TSG101: variants seen among roughly 807,000 people sequenced by gnomAD.
The protein encoded by TSG101 is tumor susceptibility 101, also known as tumor susceptibility gene 101 protein.
TSG101 carries 19 observed loss-of-function variants against 48.5 expected under a neutral mutation model. The ratio of observed to expected loss-of-function variants is 0.39; its 90% CI spans 0.27 to 0.58. The LOEUF (loss-of-function observed/expected upper bound fraction) is 0.58, where lower values mean the gene tolerates loss of function less well. TSG101 is among the 20% of genes least tolerant of loss of function. The pLI is 0.55. For synonymous variants in TSG101, 174 were observed against 169.4 expected (o/e 1.03, Z -0.21); for missense variants, 365 against 484.4 (o/e 0.75, Z 2.31).
In TSG101 at chr11:18,509,540, A is replaced by C; in HGVS notation, c.481+2T>G. On this transcript the variant is annotated splice_donor_variant, in intron 5 of 9. Coordinates refer to ENST00000251968, the MANE Select transcript of TSG101 (RefSeq NM_006292.4). LOFTEE classifies it high-confidence loss of function. ...TTAAAGTAAAATCTCAATTCTACTT[A>C]CTATTTGGTGGCCCCGTTGCCTGGT... 1 of 1,611,960 alleles carries C rather than the reference A, an allele frequency of 6.2e-7. No individual in the cohort carries two copies.
chr11:18,501,088 G>A (rs550038349), intron 7 of TSG101, among the ~76,000 whole-genome samples: 142 of 152,272 alleles, frequency 9.3e-4, no homozygotes, highest in Non-Finnish European at 1.5e-3. Flanking sequence ...GATTACAGAC[G>A]TGAGCCACTG....
intron 4 of TSG101, among the ~76,000 whole-genome samples, chr11:18,513,371 C>T (rs1028067758): frequency 1.3e-5 from 2 of 152,154 alleles, no homozygotes; most frequent in African/African-American, 4.8e-5. Flanking sequence ...TCATGGCTCA[C>T]TGCAGCCTCG....
Position 18,509,680 on chromosome 11 carries a change from A to G in TSG101, c.358-15T>C. The G allele has an allele frequency of 6.3e-7, 1 of 1,577,854 alleles. No individual in the cohort carries two copies. The highest frequency in any genetic ancestry group is 8.6e-7 in the Non-Finnish European group (1 of 1,159,664). ...TCTGACTGTGGCTACAAAATGAAAA[A>G]AAATTCAAGTCAGCTACAGAGTTGC... On this transcript the variant is annotated splice_polypyrimidine_tract_variant and intron_variant, in intron 4 of 9. Coordinates refer to ENST00000251968, the MANE Select transcript of TSG101 (RefSeq NM_006292.4).
intron 4 of TSG101, among the ~76,000 whole-genome samples, chr11:18,510,838 C>A (rs568058620): frequency 6.6e-6 from 1 of 152,090 alleles, no homozygotes; most frequent in African/African-American, 2.4e-5. Context: ...GGGAGGATCA[C>A]CTGAGCCAGG....
chr11:18,514,921 G>A, intron 3 of TSG101, 80 bp from the exon 4 acceptor site: 1 of 1,317,020 alleles, frequency 7.6e-7, no homozygotes, highest in Non-Finnish European at 1.0e-6. Context: ...CAGAGGTTTA[G>A]TCTAGATACA....
chr11:18,509,104 A>G (rs1329893156), intron 5 of TSG101, among the ~76,000 whole-genome samples: 1 of 152,222 alleles, frequency 6.6e-6, no homozygotes, highest in Non-Finnish European at 1.5e-5. Flanking sequence ...CTAGATGTCC[A>G]ATTGTGTATA....
At chr11:18,513,442 C>A (rs1394819735) in intron 4 of TSG101, among the ~76,000 whole-genome samples, 1 of 152,016 alleles carries the variant, frequency 6.6e-6, no homozygotes, top group East Asian at 1.9e-4. Context: ...GTCACAGGCA[C>A]ACACCACCAT....
chr11:18,526,688 C>G, intron 1 of TSG101, 87 bp downstream of exon 1: 1 of 1,508,312 alleles, frequency 6.6e-7, no homozygotes, highest in Non-Finnish European at 8.9e-7. Flanking sequence ...GTCTGGGAAG[C>G]TTGCTTGGCT....
chr11:18,496,567 TC>T (rs1382880992), intron 7 of TSG101, among the ~76,000 whole-genome samples: 1 of 152,096 alleles, frequency 6.6e-6, no homozygotes, highest in African/African-American at 2.4e-5. Context: ...GTGCAGTGAC[TC>T]ACATCTGTAA....
At chr11:18,509,729 A>G (rs1372404786) in intron 4 of TSG101, 64 bp from the exon 5 acceptor site, 2 of 1,487,896 alleles carry the variant, frequency 1.3e-6, no homozygotes, top group Non-Finnish European at 1.8e-6. Flanking sequence ...GAAAAAGGTT[A>G]GCCATTTCTC....
chr11:18,505,886 C>T (rs372205892), intron 6 of TSG101, among the ~76,000 whole-genome samples: 3 of 152,012 alleles, frequency 2.0e-5, no homozygotes, highest in Admixed American at 6.6e-5. Flanking sequence ...GGCGCGATCT[C>T]GGCTCACTGC....
chr11:18,505,332 T>A (rs182344743), intron 6 of TSG101, among the ~76,000 whole-genome samples: 95 of 151,924 alleles, frequency 6.3e-4, no homozygotes, highest in Non-Finnish European at 1.1e-3. Flanking sequence ...TTACGGCTCA[T>A]TGCATCCTCG....
At chr11:18,487,301 A>G (rs1455430170) in intron 7 of TSG101, among the ~76,000 whole-genome samples, 2 of 152,036 alleles carry the variant, frequency 1.3e-5, no homozygotes, top group African/African-American at 4.8e-5. Flanking sequence ...TTCCCAAGGG[A>G]ACATCCAAAT....
chr11:18,515,301 A>G (rs1850152609), intron 3 of TSG101, among the ~76,000 whole-genome samples: 1 of 152,160 alleles, frequency 6.6e-6, no homozygotes, highest in South Asian at 2.1e-4. Flanking sequence ...TCCTTTATTC[A>G]TCTTTGTAGC....
At chr11:18,498,624 C>T (rs1849821472) in intron 7 of TSG101, among the ~76,000 whole-genome samples, 1 of 152,058 alleles carries the variant, frequency 6.6e-6, no homozygotes, top group South Asian at 2.1e-4. Flanking sequence ...ATTAAACATC[C>T]AAGTAGAGAT....
intron 2 of TSG101, among the ~76,000 whole-genome samples, chr11:18,517,068 T>A (rs988238980): frequency 6.6e-6 from 1 of 152,186 alleles, no homozygotes; most frequent in African/African-American, 2.4e-5. Flanking sequence ...ATTATTGTTT[T>A]TTGGAGACAG....
chr11:18,482,901 A>ACT (rs1849563352), intron 8 of TSG101, among the ~76,000 whole-genome samples: 1 of 152,214 alleles, frequency 6.6e-6, no homozygotes, highest in Non-Finnish European at 1.5e-5. Context: ...GCACTCAAAC[A>ACT]GTCCTCCTTT....
chr11:18,524,772 T>G (rs185209789), intron 1 of TSG101, among the ~76,000 whole-genome samples: 1 of 152,288 alleles, frequency 6.6e-6, no homozygotes, highest in East Asian at 1.9e-4. Flanking sequence ...ATAAAATATC[T>G]TCTGAACATG....
chr11:18,516,240 G>C, intron 2 of TSG101, 76 bp from the exon 3 acceptor site: 2 of 1,343,658 alleles, frequency 1.5e-6, no homozygotes, highest in South Asian at 2.4e-5. Flanking sequence ...CAGAAAGACT[G>C]GTTAAAATTC....
Sources: gnomAD v4.1 joint callset for allele counts (sites outside exome capture counted in the v4.1 genomes callset) on GRCh38, gnomAD v4.1.1 for gene constraint, MANE v1.5 for transcripts, NCBI Gene and HGNC (gene_info 2026-07-23, HGNC 2026-07-21) for gene names.